PRELID2: variants seen among roughly 807,000 people sequenced by gnomAD.
PRELID2 encodes the protein PRELI domain-containing protein 2.
PRELID2 carries 25 observed loss-of-function variants against 28.4 expected under a neutral mutation model. The ratio of observed to expected loss-of-function variants is 0.88; its 90% confidence interval spans 0.64 to 1.23. PRELID2 has a LOEUF of 1.23. PRELID2 is among the 50% of genes most tolerant of loss of function. PRELID2 has a pLI of 0.00. For synonymous variants in PRELID2, 76 were observed against 71.6 expected, an observed-to-expected ratio of 1.06 and a Z score of -0.31; for missense variants, 201 against 214.4, an observed-to-expected ratio of 0.94 and a Z score of 0.39.
the PRELID2 span, among the ~76,000 whole-genome samples, chr5:145,320,363 C>T: frequency 7.9e-5 from 12 of 152,018 alleles, no homozygotes; most frequent in South Asian, 2.1e-4. Context: ...CTCCGCCTCA[C>T]CGCTTCACGC....
chr5:145,576,493 C>A (rs529311746), intron 1 of PRELID2, among the ~76,000 whole-genome samples: 8 of 152,088 alleles, frequency 5.3e-5, no homozygotes, highest in African/African-American at 1.7e-4. Flanking sequence ...ACAGACATAC[C>A]ATATTTTATT....
At chr5:145,332,113 T>C in the PRELID2 span, among the ~76,000 whole-genome samples, 1 of 152,174 alleles carries the variant, frequency 6.6e-6, no homozygotes, top group Non-Finnish European at 1.5e-5. Flanking sequence ...TTCTGGCTTG[T>C]AGGGTTTCTG....
intron 1 of PRELID2, among the ~76,000 whole-genome samples, chr5:145,503,557 A>T (rs1237521516): frequency 6.6e-6 from 1 of 152,086 alleles, no homozygotes; most frequent in African/African-American, 2.4e-5. Flanking sequence ...TATCATTTTC[A>T]TTTTACAGAT....
chr5:145,452,053 C>A, the PRELID2 span, among the ~76,000 whole-genome samples: 1 of 152,142 alleles, frequency 6.6e-6, no homozygotes, highest in African/African-American at 2.4e-5. Context: ...AATATAATAT[C>A]TTGCTATATG....
chr5:145,421,384 G>A, the PRELID2 span, among the ~76,000 whole-genome samples: 1 of 150,864 alleles, frequency 6.6e-6, no homozygotes, highest in East Asian at 1.9e-4. Flanking sequence ...TGGTTGGTAA[G>A]CTATTGATTA....
At chr5:145,412,168 G>A in the PRELID2 span, among the ~76,000 whole-genome samples, 3 of 152,102 alleles carry the variant, frequency 2.0e-5, no homozygotes, top group Non-Finnish European at 2.9e-5. Context: ...TCCTCATTAC[G>A]TCCGCAACTT....
At chr5:145,724,204 C>T (rs1052581516) in intron 1 of PRELID2, among the ~76,000 whole-genome samples, 15 of 151,948 alleles carry the variant, frequency 9.9e-5, no homozygotes, top group African/African-American at 2.4e-4. Context: ...GCTTCAGTAA[C>T]GGTATAAATT....
the PRELID2 span, among the ~76,000 whole-genome samples, chr5:145,408,028 G>C: frequency 6.6e-6 from 1 of 151,984 alleles, no homozygotes; most frequent in Non-Finnish European, 1.5e-5. Context: ...CTACTGGGTG[G>C]CTAGACCCAG....
At chr5:145,316,175 TG>T in the PRELID2 span, among the ~76,000 whole-genome samples, 1 of 152,246 alleles carries the variant, frequency 6.6e-6, no homozygotes. Flanking sequence ...GTTGGTTTCT[TG>T]GTCTTTTGGG....
chr5:145,385,674 T>G, the PRELID2 span, among the ~76,000 whole-genome samples: 1 of 152,194 alleles, frequency 6.6e-6, no homozygotes, highest in Non-Finnish European at 1.5e-5. Context: ...TAAGTACAGA[T>G]AGCACCAGAC....
intron 1 of PRELID2, among the ~76,000 whole-genome samples, chr5:145,564,711 C>T (rs765733784): frequency 1.3e-5 from 2 of 152,174 alleles, no homozygotes; most frequent in African/African-American, 2.4e-5. Context: ...AACCCCAGTG[C>T]CCAGCATTTA....
intron 1 of PRELID2, among the ~76,000 whole-genome samples, chr5:145,552,814 T>G (rs1171265594): frequency 6.6e-6 from 1 of 152,192 alleles, no homozygotes; most frequent in Non-Finnish European, 1.5e-5. Context: ...CCCAAAGAAG[T>G]AACTACTTTC....
chr5:145,809,250 C>T (rs527838694), intron 4 of PRELID2, among the ~76,000 whole-genome samples: 1 of 152,256 alleles, frequency 6.6e-6, no homozygotes, highest in East Asian at 1.9e-4. Flanking sequence ...CCATGTTGCC[C>T]AGGCTGGTCT....
Position 145,817,198 on chromosome 5 carries a change from A to AAAAAAAAT in PRELID2, c.368+695_368+696insATTTTTTT, listed in dbSNP as rs1365517052. Among the ~76,000 whole-genome samples, 177 of 69,864 alleles carry AAAAAAAAT rather than the reference A, an allele frequency of 2.5e-3. 3 individuals carry two copies. Among genetic ancestry groups the AAAAAAAAT allele is most frequent in the African/African-American group, 3.3e-3 (77 of 23,400 alleles). The allele number at this position is 69,864 out of a possible 152,430, so 45.8% of individuals were successfully genotyped here. On this transcript the variant is annotated intron_variant, in intron 4 of 6. Coordinates refer to ENST00000683046, the MANE Select transcript of PRELID2 (RefSeq NM_205846.3). ...AGAGCAAGACTGCATTTCAAAAAAA[A>AAAAAAAAT]ATAAATAAATAAATAAAAAAAAATA...
At chr5:145,363,116 G>GAAAA in the PRELID2 span, among the ~76,000 whole-genome samples, 1,563 of 84,084 alleles carry the variant, frequency 0.019, 25 homozygotes, top group African/African-American at 0.058. Flanking sequence ...ATGGCTATAA[G>GAAAA]AAAAAAAAAA....
the PRELID2 span, among the ~76,000 whole-genome samples, chr5:145,312,094 T>C: frequency 6.6e-5 from 10 of 152,092 alleles, no homozygotes; most frequent in South Asian, 1.7e-3. Flanking sequence ...GTCTGTAATC[T>C]CAGCATTTTG....
At chr5:145,718,110 T>C (rs369678369) in intron 1 of PRELID2, among the ~76,000 whole-genome samples, 1 of 151,998 alleles carries the variant, frequency 6.6e-6, no homozygotes, top group African/African-American at 2.4e-5. Flanking sequence ...CAAAATAAAA[T>C]GCTCAAATGC....
the PRELID2 span, among the ~76,000 whole-genome samples, chr5:145,323,576 G>T: frequency 1.3e-5 from 2 of 152,156 alleles, no homozygotes; most frequent in African/African-American, 4.8e-5. Context: ...CAGGTAATAA[G>T]CATAGTAAAT....
intron 1 of PRELID2, among the ~76,000 whole-genome samples, chr5:145,680,530 G>A (rs960435284): frequency 2.0e-5 from 3 of 152,140 alleles, no homozygotes; most frequent in African/African-American, 7.2e-5. Context: ...GGGTATTTGG[G>A]GGCTATGGAA....
Sources: gnomAD v4.1 joint callset for allele counts (sites outside exome capture counted in the v4.1 genomes callset) on GRCh38, gnomAD v4.1.1 for gene constraint, MANE v1.5 for transcripts, NCBI Gene and HGNC (gene_info 2026-07-23, HGNC 2026-07-21) for gene names.